ST3GAL6: variants seen among roughly 807,000 people sequenced by gnomAD.
ST3GAL6 encodes the protein type 2 lactosamine alpha-2,3-sialyltransferase.
ST3GAL6 carries 31 observed loss-of-function variants against 40.5 expected under a neutral mutation model. That is an observed-to-expected ratio of 0.77 (90% CI 0.58 to 1.03). The LOEUF (loss-of-function observed/expected upper bound fraction) is 1.03. ST3GAL6 is among the 50% of genes least tolerant of loss of function. The pLI is 0.00. For missense variants in ST3GAL6, 357 were observed against 393.2 expected (o/e 0.91, Z 0.78); for synonymous variants, 129 against 136.9 (o/e 0.94, Z 0.40).
Position 98,788,141 on chromosome 3 carries a change from C to T in ST3GAL6, c.537C>T (p.Asp179=). The T allele has an allele frequency of 6.2e-7, 1 of 1,614,006 alleles. No individual in the cohort carries two copies. Among genetic ancestry groups the T allele is most frequent in the Non-Finnish European group, 8.5e-7 (1 of 1,179,978 alleles). ...ESVFSDPIHN[D]PNTTVILTAF... Reference sequence around the variant, plus strand: ...TTTTTTCAGATCCTATTCACAATGACCCTAATACGACAGTGATTCTCACTG... The same window carrying T: ...TTTTTTCAGATCCTATTCACAATGATCCTAATACGACAGTGATTCTCACTG... Residue 179 remains aspartate (D), a synonymous_variant, in exon 7 of 10, where the codon GAC becomes GAT. Transcript: ENST00000483910.
At chr3:98,779,687 C>T (rs748627531) in intron 5 of ST3GAL6, among the ~76,000 whole-genome samples, 28 of 152,226 alleles carry the variant, frequency 1.8e-4, no homozygotes, top group Non-Finnish European at 1.0e-4. Flanking sequence ...TCTCTTACTA[C>T]CACTGCTTTA....
At chr3:98,732,978 C>T (rs1935165358) in intron 1 of ST3GAL6, 5 of 1,493,438 alleles carry the variant, frequency 3.3e-6, no homozygotes, top group Non-Finnish European at 4.4e-6. Flanking sequence ...GTCACTCTTG[C>T]CGGCCGGCTT....
chr3:98,747,493 G>T (rs1936651218), intron 1 of ST3GAL6, among the ~76,000 whole-genome samples: 1 of 152,098 alleles, frequency 6.6e-6, no homozygotes, highest in South Asian at 2.1e-4. Flanking sequence ...AGTATTTCTA[G>T]CAATTTGTAC....
chr3:98,757,752 G>T (rs1298584842), intron 1 of ST3GAL6, among the ~76,000 whole-genome samples: 1 of 152,068 alleles, frequency 6.6e-6, no homozygotes, highest in African/African-American at 2.4e-5. Context: ...CGTAAAGGTT[G>T]GTTTTGAGGA....
At chr3:98,788,762 T>G (rs1209528787) in intron 8 of ST3GAL6, among the ~76,000 whole-genome samples, 1 of 152,186 alleles carries the variant, frequency 6.6e-6, no homozygotes, top group Non-Finnish European at 1.5e-5. Flanking sequence ...TGTTCTGCAG[T>G]GAGGAGAGTC....
chr3:98,768,121 T>A (rs1177112358), intron 1 of ST3GAL6, among the ~76,000 whole-genome samples: 2 of 152,216 alleles, frequency 1.3e-5, no homozygotes, highest in African/African-American at 4.8e-5. Flanking sequence ...AAAATTTTAT[T>A]CTGAAGGAAT....
In ST3GAL6 at chr3:98,791,945, G is replaced by A; in HGVS notation, c.861G>A (p.Lys287=). The change falls in exon 9 of 10, where the codon AAG becomes AAA. Residue 287 remains lysine, a synonymous_variant. Transcript: ENST00000483910. ...AGFKYNFSDL[K]SPLHYYGNAT... ...TTAAATACAACTTTTCTGACCTCAA[G>A]AGTCCTTTGCACTACTATGGGAATG... 1.2e-6 allele frequency: 2 copies of A among 1,613,978 alleles called. No individual in the cohort carries two copies. Among genetic ancestry groups the A allele is most frequent in the South Asian group, 1.1e-5 (1 of 91,068 alleles).
chr3:98,767,821 A>T (rs1294145943), intron 1 of ST3GAL6, among the ~76,000 whole-genome samples: 1 of 152,216 alleles, frequency 6.6e-6, no homozygotes, highest in South Asian at 2.1e-4. Flanking sequence ...AATACAAAAC[A>T]AGCAAGTAGC....
Position 98,763,444 on chromosome 3 carries a change from G to A in ST3GAL6, c.-12+5G>A. 1 of 1,289,678 alleles carries A rather than the reference G, an allele frequency of 7.8e-7. No homozygotes were observed. The highest frequency in any genetic ancestry group is 1.0e-6 in the Non-Finnish European group (1 of 988,810). The allele number at this position is 1,289,678 out of a possible 1,614,324, so 79.9% of individuals were successfully genotyped here. ...CCACCTGGTAAAGGTATGGAGGTGA[G>A]CCATGAACAAGGTTACCTGCTTAAG... On this transcript the variant is annotated splice_donor_5th_base_variant and intron_variant, in intron 1 of 9. Transcript: ENST00000483910.
intron 4 of ST3GAL6, chr3:98,773,487 C>T: frequency 6.5e-6 from 1 of 154,948 alleles, no homozygotes; most frequent in Non-Finnish European, 1.4e-5. Flanking sequence ...GGTGACAAGC[C>T]TTCAACATTG....
At chr3:98,787,913 T>C in intron 6 of ST3GAL6, 123 bp from the exon 7 acceptor site, 1 of 741,026 alleles carries the variant, frequency 1.3e-6, no homozygotes, top group Non-Finnish European at 2.1e-6. Context: ...TCTATTGCTT[T>C]GTGGCTTCAG....
intron 9 of ST3GAL6, among the ~76,000 whole-genome samples, chr3:98,793,201 A>G (rs1397125307): frequency 1.3e-5 from 2 of 152,216 alleles, no homozygotes; most frequent in South Asian, 2.1e-4. Context: ...AGTGTCATCT[A>G]AAGAGCAGAA....
At chr3:98,742,348 C>T (rs186887900) in intron 1 of ST3GAL6, among the ~76,000 whole-genome samples, 3 of 152,262 alleles carry the variant, frequency 2.0e-5, no homozygotes, top group Admixed American at 2.0e-4. Context: ...GTTTCCTCTT[C>T]CTTGGAAATT....
chr3:98,764,695 T>G lies in ST3GAL6; in HGVS notation c.-12+1256T>G, dbSNP rs182822235. The stretch of plus-strand genomic sequence containing the variant: ...CTTGTCAGCTCAACAAAGTCGTTGC[T>G]TCTCCCAGAGTTTTGGTTTCCTCCT... On this transcript the variant is annotated intron_variant, in intron 1 of 9. Transcript: ENST00000483910. Among the ~76,000 whole-genome samples the G allele has an allele frequency of 2.0e-5, 3 of 152,346 alleles. No individual in the cohort carries two copies. The East Asian group carries it at 5.8e-4, about 29-fold the overall frequency.
intron 3 of ST3GAL6, 162 bp downstream of exon 3, chr3:98,771,118 T>G: frequency 2.6e-6 from 4 of 1,516,764 alleles, no homozygotes; most frequent in Non-Finnish European, 3.5e-6. Context: ...TTTGTGCTTT[T>G]AGTCAGAGCT....
intron 1 of ST3GAL6, among the ~76,000 whole-genome samples, chr3:98,749,457 C>A (rs368704088): frequency 6.6e-6 from 1 of 152,070 alleles, no homozygotes; most frequent in Non-Finnish European, 1.5e-5. Context: ...GGTATATGCT[C>A]ATCTGATTGT....
chr3:98,742,961 A>G (rs1936229278), intron 1 of ST3GAL6, among the ~76,000 whole-genome samples: 2 of 149,516 alleles, frequency 1.3e-5, no homozygotes, highest in African/African-American at 4.9e-5. Flanking sequence ...CAGCCTCCCA[A>G]AGTGCTGGGA....
chr3:98,752,328 T>G (rs575233148), intron 1 of ST3GAL6, among the ~76,000 whole-genome samples: 3 of 152,296 alleles, frequency 2.0e-5, no homozygotes, highest in Admixed American at 2.0e-4. Context: ...TCCCACAGTA[T>G]GTACTCACTT....
chr3:98,784,143 T>G (rs1018485585), intron 5 of ST3GAL6, among the ~76,000 whole-genome samples: 2 of 152,238 alleles, frequency 1.3e-5, no homozygotes, highest in East Asian at 3.9e-4. Flanking sequence ...CCTGGAAGGA[T>G]AGCCTCAACA....
Sources: gnomAD v4.1 joint callset for allele counts (sites outside exome capture counted in the v4.1 genomes callset) on GRCh38, gnomAD v4.1.1 for gene constraint, MANE v1.5 for transcripts, NCBI Gene and HGNC (gene_info 2026-07-23, HGNC 2026-07-21) for gene names.